The following GPR137B variants were observed in gnomAD, a reference collection of about 807,000 sequenced individuals.
GPR137B encodes G protein-coupled receptor 137B, also known as integral membrane protein GPR137B.
GPR137B carries 42 observed loss-of-function variants against 42.5 expected under a neutral mutation model. That is an observed-to-expected ratio of 0.99 (90% confidence interval 0.77 to 1.28). The LOEUF is 1.28. Ranked by LOEUF, GPR137B falls within the 50% of genes most tolerant of loss-of-function variation. The pLI is 0.00. For synonymous variants in GPR137B, 218 were observed against 209.7 expected (o/e 1.04, Z -0.34); for missense variants, 487 against 493.9 (o/e 0.99, Z 0.13).
At chr1:236,183,297 A>T (rs1662934111) in intron 4 of GPR137B, among the ~76,000 whole-genome samples, 1 of 152,216 alleles carries the variant, frequency 6.6e-6, no homozygotes, top group South Asian at 2.1e-4. Flanking sequence ...TATCCTAGGG[A>T]TGAGACTAAG....
At chr1:236,193,176 T>TG (rs1386662048) in intron 5 of GPR137B, among the ~76,000 whole-genome samples, 1 of 152,130 alleles carries the variant, frequency 6.6e-6, no homozygotes, top group Non-Finnish European at 1.5e-5. Flanking sequence ...ATTACAGGTG[T>TG]GAGCCACTGT....
At chr1:236,204,741 T>C (rs747059674) in intron 5 of GPR137B, among the ~76,000 whole-genome samples, 7 of 152,152 alleles carry the variant, frequency 4.6e-5, no homozygotes, top group Non-Finnish European at 7.4e-5. Context: ...AATAAAAGAC[T>C]TGTTATTGGT....
intron 5 of GPR137B, among the ~76,000 whole-genome samples, chr1:236,188,950 T>TG (rs1460547025): frequency 6.6e-6 from 1 of 152,222 alleles, no homozygotes; most frequent in African/African-American, 2.4e-5. Context: ...TTTCTGGTCC[T>TG]GGACTTTTTT....
chr1:236,208,337 T>C lies in GPR137B; in HGVS notation c.*179T>C. ...GTAGACTGATAAACCCTTATTTTAG[T>C]ACTAAAGAGGGAGCCTTGCTATTTC... On this transcript the variant is annotated 3_prime_UTR_variant, in exon 7 of 7. Transcript: ENST00000366592. The C allele has an allele frequency of 1.5e-6, 2 of 1,317,366 alleles. No individual in the cohort carries two copies. The highest frequency in any genetic ancestry group is 5.1e-5 in the South Asian group (2 of 39,378). The allele number at this position is 1,317,366 out of a possible 1,614,324, so 81.6% of individuals were successfully genotyped here.
chr1:236,170,766 A>G (rs1000199317), intron 2 of GPR137B, among the ~76,000 whole-genome samples: 1 of 152,158 alleles, frequency 6.6e-6, no homozygotes, highest in Non-Finnish European at 1.5e-5. Flanking sequence ...ATTTGAGGTC[A>G]GGAGTTTGAG....
chr1:236,181,273 A>G (rs955965728), intron 4 of GPR137B, among the ~76,000 whole-genome samples: 1 of 152,184 alleles, frequency 6.6e-6, no homozygotes, highest in Non-Finnish European at 1.5e-5. Flanking sequence ...TCTGCCATCC[A>G]TGCTCACAAA....
In GPR137B at chr1:236,180,230, C is replaced by G; in HGVS notation, c.837+202C>G. 3 of 542,394 alleles carry G rather than the reference C, an allele frequency of 5.5e-6. No individual in the cohort carries two copies. In the South Asian group the frequency reaches 8.0e-5, roughly 15 times the overall value. The allele number at this position is 542,394 out of a possible 1,614,324, so 33.6% of individuals were successfully genotyped here. A position where few individuals can be genotyped will look rare whatever the true frequency, so the allele number is the denominator to read the frequency against. ...AGATGATTTACAATACCAAATACAA[C>G]ACAAATGCTATGTAAACAGTTGTTA... On this transcript the variant is annotated intron_variant, in intron 4 of 6. Transcript: ENST00000366592.
chr1:236,202,544 T>C (rs1663523124), intron 5 of GPR137B, among the ~76,000 whole-genome samples: 1 of 152,086 alleles, frequency 6.6e-6, no homozygotes, highest in African/African-American at 2.4e-5. Context: ...CTCCACACAC[T>C]GTTCTGTCTG....
In GPR137B at chr1:236,150,219, G is replaced by GT. The variant is rs1215395897; in HGVS notation, c.414+7184dup. 2.7e-5 allele frequency among the ~76,000 whole-genome samples: 4 copies of GT among 150,114 alleles called. No homozygotes were observed. The highest frequency in any genetic ancestry group is 4.4e-5 in the Non-Finnish European group (3 of 67,576). On this transcript the variant is annotated intron_variant, in intron 1 of 6. Coordinates refer to ENST00000366592, the MANE Select transcript of GPR137B (RefSeq NM_003272.4). This position sits in a 1 kb window ranked among gnomAD's most constrained non-coding sequence, Gnocchi z 6.2. ...TGTGCCTGTGTGTGTGTCTGTGCCT[G>GT]TGTGTGCCTGTGTATGTCTGTGCCC...
In GPR137B at chr1:236,178,419, C is replaced by T. The variant is rs759665840; in HGVS notation, c.470C>T (p.Pro157Leu). 2 of 1,609,412 alleles carry T rather than the reference C, an allele frequency of 1.2e-6. No individual in the cohort carries two copies. Among genetic ancestry groups the T allele is most frequent in the Non-Finnish European group, 1.7e-6 (2 of 1,176,458 alleles). The change falls in exon 3 of 7, where the codon CCC becomes CTC. Residue 157 changes from proline (P) to leucine (L), a missense_variant. Physicochemically the swap from Pro to Leu is moderately conservative, Grantham distance 98 (BLOSUM62 -3). Coordinates refer to ENST00000366592, the MANE Select transcript of GPR137B (RefSeq NM_003272.4). ...YSPELLKYRL[P>L]LYLASLFISL... ...GTTGCTCTCATGCCTTCCAGGTTGC[C>T]CCTCTACCTGGCCTCCCTCTTCATC...
In GPR137B at chr1:236,178,317, G is replaced by A. The variant is rs112371493; in HGVS notation, c.465-97G>A. On this transcript the variant is annotated intron_variant, in intron 2 of 6. Coordinates refer to ENST00000366592, the MANE Select transcript of GPR137B (RefSeq NM_003272.4). ...GTCCAAGCTCTTAAATGTCACCTTTGGTGTGTCTGCTTCTAGCAGTTCACC... is the reference window on the plus strand; with the variant it reads ...GTCCAAGCTCTTAAATGTCACCTTTAGTGTGTCTGCTTCTAGCAGTTCACC... 484 of 731,286 alleles carry A rather than the reference G, an allele frequency of 6.6e-4. 1 individual carries two copies. The Middle Eastern group carries it at 9.3e-3, about 14-fold the overall frequency. The allele number at this position is 731,286 out of a possible 1,614,324, so 45.3% of individuals were successfully genotyped here.
rs1376194932 is a variant in GPR137B, at chr1:236,208,140, C to G, written c.1182C>G (p.Asp394Glu). 1.9e-6 allele frequency: 3 copies of G among 1,613,774 alleles called. No individual in the cohort carries two copies. In the African/African-American group the frequency reaches 4.0e-5, roughly 22 times the overall value. ...TGCAAGACTCAACTTTGGATCCTGACAAACCAAGCCTTGGGTAGCATCAGT... is the reference window on the plus strand; with the variant it reads ...TGCAAGACTCAACTTTGGATCCTGAGAAACCAAGCCTTGGGTAGCATCAGT... ...GTLQDSTLDP[D>E]KPSLG The change falls in exon 7 of 7, where the codon GAC becomes GAG. Residue 394 changes from aspartate (D) to glutamate (E), a missense_variant. Physicochemically the swap from Asp to Glu is conservative, Grantham distance 45 (BLOSUM62 2). Coordinates refer to ENST00000366592, the MANE Select transcript of GPR137B (RefSeq NM_003272.4).
At chr1:236,207,036 A>C (rs1329177282) in intron 6 of GPR137B, 1 of 498,942 alleles carries the variant, frequency 2.0e-6, no homozygotes, top group Non-Finnish European at 2.6e-6. Context: ...GGATGAAATG[A>C]TAAAAAATAT....
intron 4 of GPR137B, among the ~76,000 whole-genome samples, chr1:236,181,541 G>A (rs971211839): frequency 3.9e-5 from 6 of 152,156 alleles, no homozygotes; most frequent in Non-Finnish European, 8.8e-5. Context: ...TCTTGGAAAA[G>A]TATTGAATAC....
intron 3 of GPR137B, 75 bp from the exon 4 acceptor site, chr1:236,179,804 A>G (rs1226155049): frequency 1.3e-5 from 14 of 1,095,498 alleles, no homozygotes; most frequent in Non-Finnish European, 1.7e-5. Context: ...CCAGACTGAT[A>G]GCAGGTGGGG....
chr1:236,170,811 A>G (rs1298840479), intron 2 of GPR137B, among the ~76,000 whole-genome samples: 1 of 152,052 alleles, frequency 6.6e-6, no homozygotes, highest in East Asian at 1.9e-4. Context: ...CCCCGTTTCT[A>G]CTAAAAATAC....
intron 5 of GPR137B, among the ~76,000 whole-genome samples, chr1:236,195,843 T>G (rs554568406): frequency 3.3e-5 from 5 of 152,346 alleles, no homozygotes; most frequent in African/African-American, 4.8e-5. Flanking sequence ...TGCATTTCTC[T>G]GATGATCATT....
chr1:236,163,300 C>T (rs771290882), intron 1 of GPR137B, among the ~76,000 whole-genome samples: 29 of 152,214 alleles, frequency 1.9e-4, no homozygotes, highest in Non-Finnish European at 2.9e-5. Flanking sequence ...AACTAGCTTG[C>T]TTTCGATTTT....
chr1:236,166,118 T>C (rs1662345108), intron 1 of GPR137B, among the ~76,000 whole-genome samples: 1 of 152,230 alleles, frequency 6.6e-6, no homozygotes, highest in African/African-American at 2.4e-5. Context: ...AATTCTGTAG[T>C]TTCTTCTTCT....
Sources: allele counts gnomAD v4.1 joint callset (sites outside exome capture counted in the v4.1 genomes callset), GRCh38; gene constraint gnomAD v4.1.1; non-coding constraint Gnocchi (gnomAD v3.1); transcripts MANE v1.5; gene names NCBI Gene and HGNC (gene_info 2026-07-23, HGNC 2026-07-21).